SPG11: variants seen among roughly 807,000 people sequenced by gnomAD.
SPG11 encodes the protein SPG11 vesicle trafficking associated, spatacsin.
Under a neutral mutation model 274.0 loss-of-function variants are expected in SPG11, and 222 were observed. The observed-to-expected ratio is 0.81, with a 90% CI of 0.73 to 0.91. The LOEUF (loss-of-function observed/expected upper bound fraction) is 0.91. Among genes scored for constraint, SPG11 ranks in the 40% least tolerant of loss-of-function variants. The pLI, the probability that SPG11 is intolerant of heterozygous loss-of-function variation, is 0.00. For synonymous variants in SPG11, 1,144 were observed against 1,039.7 expected, an observed-to-expected ratio of 1.10 and a Z score of -1.93; for missense variants, 3,114 against 2,872.7, an observed-to-expected ratio of 1.08 and a Z score of -1.92.
chr15:44,586,555 A>T (rs965775292), intron 28 of SPG11, among the ~76,000 whole-genome samples: 1 of 152,118 alleles, frequency 6.6e-6, no homozygotes, highest in African/African-American at 2.4e-5. Flanking sequence ...GAGGCAGGAT[A>T]ATCACTTGAA....
chr15:44,614,043 A>G (rs1375171375), intron 16 of SPG11, among the ~76,000 whole-genome samples: 1 of 152,122 alleles, frequency 6.6e-6, no homozygotes, highest in Non-Finnish European at 1.5e-5. Flanking sequence ...GACTGTCTCA[A>G]AGTAAAAAAG....
Position 44,663,378 on chromosome 15 carries a change from C to T in SPG11, c.257+13G>A, listed in dbSNP as rs201936649. The stretch of plus-strand genomic sequence containing the variant: ...GGACTCCCCCAACGGCCCAACTCTC[C>T]CTCAGCACTTACTGCCAGAAGGGGC... On this transcript the variant is annotated intron_variant, in intron 1 of 39. Coordinates refer to ENST00000261866, the MANE Select transcript of SPG11 (RefSeq NM_025137.4). 1,348 of 1,605,322 alleles carry T rather than the reference C, an allele frequency of 8.4e-4. 3 individuals are homozygous for T. Among genetic ancestry groups the T allele is most frequent in the South Asian group, 1.8e-3 (158 of 89,622 alleles).
Position 44,610,822 on chromosome 15 carries a change from A to T in SPG11, c.3291+18T>A. The stretch of plus-strand genomic sequence containing the variant: ...ATTTAAAAATCAGTCCTATTTTGTC[A>T]TAAAGTGCTATCCATACCTGACTGA... On this transcript the variant is annotated intron_variant, in intron 18 of 39. Transcript: ENST00000261866. 3.1e-6 allele frequency: 5 copies of T among 1,612,216 alleles called. No homozygotes were observed. The highest frequency in any genetic ancestry group is 4.2e-6 in the Non-Finnish European group (5 of 1,178,310).
chr15:44,636,406 T>A (rs557355829), intron 7 of SPG11, among the ~76,000 whole-genome samples: 1 of 151,878 alleles, frequency 6.6e-6, no homozygotes, highest in East Asian at 1.9e-4. Context: ...TTATAAAGTT[T>A]GCAACTTTAA....
chr15:44,600,634 T>C lies in SPG11; in HGVS notation c.3521-2A>G, dbSNP rs2083161760. The C allele has an allele frequency of 6.2e-7, 1 of 1,613,492 alleles. No homozygotes were observed. The highest frequency in any genetic ancestry group is 1.7e-5 in the Admixed American group (1 of 59,992). On this transcript the variant is annotated splice_acceptor_variant, in intron 20 of 39. Coordinates refer to ENST00000261866, the MANE Select transcript of SPG11 (RefSeq NM_025137.4). LOFTEE classifies it high-confidence loss of function. ...AATGTGGGAGATGACTCCATGCATC[T>C]AGGGGGAAAGTAAAACAATATTAAT...
At chr15:44,566,143 C>T in intron 37 of SPG11, 74 bp downstream of exon 37, 3 of 1,597,388 alleles carry the variant, frequency 1.9e-6, no homozygotes, top group Non-Finnish European at 1.7e-6. Context: ...TGGAAAGAGC[C>T]CAAGGACAAA....
chr15:44,578,888 G>A (rs2082601215), intron 30 of SPG11, among the ~76,000 whole-genome samples: 1 of 152,154 alleles, frequency 6.6e-6, no homozygotes, highest in Non-Finnish European at 1.5e-5. Flanking sequence ...AGTTGTGGCG[G>A]CTCATGCCTG....
chr15:44,616,025 T>G (rs971660337), intron 15 of SPG11, among the ~76,000 whole-genome samples: 2 of 152,150 alleles, frequency 1.3e-5, no homozygotes, highest in Non-Finnish European at 2.9e-5. Context: ...TACTGTTACA[T>G]CATATATACC....
Position 44,663,639 on chromosome 15 carries a change from T to C in SPG11, c.9A>G (p.Ala3=), listed in dbSNP as rs1414168787. 3 of 1,594,524 alleles carry C rather than the reference T, an allele frequency of 1.9e-6. No homozygotes were observed. Among genetic ancestry groups the C allele is most frequent in the East Asian group, 2.2e-5 (1 of 44,692 alleles). The change falls in exon 1 of 40, where the codon GCA becomes GCG. Residue 3 remains alanine, a synonymous_variant. Transcript: ENST00000261866. ...AAGCAGCACTCGCGACCCCTTCCTC[T>C]GCAGCCATCTTGGCCCGGCGGTTAC... The part of the protein sequence containing the change: MA[A]EEGVASAASA...
chr15:44,598,531 C>T, intron 22 of SPG11, 100 bp downstream of exon 22: 1 of 1,359,536 alleles, frequency 7.4e-7, no homozygotes, highest in Non-Finnish European at 1.0e-6. Flanking sequence ...AGGATAAAAC[C>T]AAGAAGATAA....
intron 7 of SPG11, among the ~76,000 whole-genome samples, chr15:44,642,588 T>C (rs2084486307): frequency 1.3e-5 from 2 of 151,710 alleles, no homozygotes; most frequent in Admixed American, 1.3e-4. Context: ...TGGCTGGGCA[T>C]GGTGGCTTAT....
In SPG11 at chr15:44,589,253, A is replaced by G. The variant is rs779553613; in HGVS notation, c.4905T>C (p.Asp1635=). ...LFVEREHLFS[D]GPDVKKLCIL... ...ACTTAACTGTAAGGATTGTCTTACC[A>G]TCAGAGAAGAGATGCTCTCTTTCAA... Residue 1635 remains aspartate (D), a splice_region_variant and synonymous_variant, in exon 28 of 40, where the codon GAT becomes GAC. Transcript: ENST00000261866. The G allele has an allele frequency of 6.2e-7, 1 of 1,613,790 alleles. No individual in the cohort carries two copies. Among genetic ancestry groups the G allele is most frequent in the Non-Finnish European group, 8.5e-7 (1 of 1,179,958 alleles).
chr15:44,618,014 G>A (rs2083634137), intron 15 of SPG11, among the ~76,000 whole-genome samples: 1 of 151,930 alleles, frequency 6.6e-6, no homozygotes, highest in African/African-American at 2.4e-5. Context: ...TGATCGGCAT[G>A]TCATAATCCA....
chr15:44,622,691 T>C, intron 12 of SPG11, 37 bp downstream of exon 12: 3 of 1,522,732 alleles, frequency 2.0e-6, no homozygotes, highest in Non-Finnish European at 2.7e-6. Context: ...CCAGGCTTTC[T>C]AGAAAATGTA....
At chr15:44,651,240 A>C (rs546452714) in intron 6 of SPG11, among the ~76,000 whole-genome samples, 18 of 152,288 alleles carry the variant, frequency 1.2e-4, no homozygotes, top group Admixed American at 1.2e-3. Context: ...CTTTGGGTTA[A>C]AAATAATAAT....
intron 20 of SPG11, 33 bp from the exon 21 acceptor site, chr15:44,600,665 G>A: frequency 6.3e-7 from 1 of 1,597,458 alleles, no homozygotes; most frequent in Admixed American, 1.7e-5. Context: ...TTAATTATCT[G>A]TATATCACCA....
chr15:44,571,012 T>C (rs1390782937), intron 33 of SPG11, among the ~76,000 whole-genome samples: 3 of 152,182 alleles, frequency 2.0e-5, no homozygotes, highest in Non-Finnish European at 2.9e-5. Context: ...GGGCATTCTC[T>C]GCTTGTATCC....
At chr15:44,602,667 A>G (rs937055739) in intron 20 of SPG11, among the ~76,000 whole-genome samples, 1 of 151,890 alleles carries the variant, frequency 6.6e-6, no homozygotes, top group African/African-American at 2.4e-5. Flanking sequence ...ATTTTTTAGT[A>G]GAGACAGGGT....
At chr15:44,648,384 G>A (rs1262330281) in intron 7 of SPG11, among the ~76,000 whole-genome samples, 1 of 151,972 alleles carries the variant, frequency 6.6e-6, no homozygotes, top group South Asian at 2.1e-4. Context: ...ATGGTGGCGC[G>A]TGCCTGTAGT....
Sources: gnomAD v4.1 joint callset for allele counts (sites outside exome capture counted in the v4.1 genomes callset) on GRCh38, gnomAD v4.1.1 for gene constraint, MANE v1.5 for transcripts, NCBI Gene and HGNC (gene_info 2026-07-23, HGNC 2026-07-21) for gene names.